The following RBFOX1 variants were observed in gnomAD, a reference collection of about 807,000 sequenced individuals.
RBFOX1 encodes RNA binding protein fox-1 homolog 1.
Under a neutral mutation model 57.7 loss-of-function variants are expected in RBFOX1, and 8 were observed. The ratio of observed to expected loss-of-function variants is 0.14; its 90% CI spans 0.08 to 0.25. The LOEUF (loss-of-function observed/expected upper bound fraction) is 0.25, where lower values mean the gene tolerates loss of function less well. Among genes scored for constraint, RBFOX1 ranks in the 10% least tolerant of loss-of-function variants. RBFOX1 has a pLI of 1.00. For synonymous variants in RBFOX1, 326 were observed against 222.4 expected (o/e 1.47, Z -4.15); for missense variants, 611 against 548.5 (o/e 1.11, Z -1.14).
chr16:7,263,248 C>T (rs1255341466), intron 4 of RBFOX1, among the ~76,000 whole-genome samples: 1 of 152,180 alleles, frequency 6.6e-6, no homozygotes, highest in Non-Finnish European at 1.5e-5. Context: ...AGGTACTAGG[C>T]ACACATCCTT....
chr16:6,744,687 T>C (rs2073146928), intron 3 of RBFOX1, among the ~76,000 whole-genome samples: 1 of 152,092 alleles, frequency 6.6e-6, no homozygotes, highest in African/African-American at 2.4e-5. Flanking sequence ...CGTAGTGTTA[T>C]TAAACAATGC....
At chr16:7,473,209 T>C (rs946842300) in intron 4 of RBFOX1, among the ~76,000 whole-genome samples, 1 of 151,844 alleles carries the variant, frequency 6.6e-6, no homozygotes. Flanking sequence ...AAAACGCCAT[T>C]TCTACTAAAA....
At chr16:7,512,503 C>T (rs899685907) in intron 4 of RBFOX1, among the ~76,000 whole-genome samples, 1 of 152,178 alleles carries the variant, frequency 6.6e-6, no homozygotes, top group Admixed American at 6.5e-5. Context: ...TCTGGAACGG[C>T]TGTCAGTGTT....
chr16:7,338,318 A>G (rs762309025), intron 4 of RBFOX1, among the ~76,000 whole-genome samples: 3 of 152,002 alleles, frequency 2.0e-5, no homozygotes, highest in Non-Finnish European at 4.4e-5. Context: ...CTATAGCTAG[A>G]CAGTGGCAGA....
At chr16:5,927,616 A>G (rs567017634) in intron 4 of RBFOX1, among the ~76,000 whole-genome samples, 35 of 152,252 alleles carry the variant, frequency 2.3e-4, no homozygotes, top group Non-Finnish European at 3.8e-4. Context: ...AAAGGGAATG[A>G]AATCTGTATA....
chr16:5,994,318 T>C (rs1159475073), intron 4 of RBFOX1, among the ~76,000 whole-genome samples: 1 of 152,188 alleles, frequency 6.6e-6, no homozygotes, highest in African/African-American at 2.4e-5. Flanking sequence ...TGTGCCAACA[T>C]GCCTGGCTAA....
At chr16:6,893,429 T>A (rs1256883408) in intron 3 of RBFOX1, among the ~76,000 whole-genome samples, 2 of 152,162 alleles carry the variant, frequency 1.3e-5, no homozygotes, top group Non-Finnish European at 2.9e-5. Context: ...ACTACCTCAT[T>A]CATCAAAAGA....
Position 6,988,568 on chromosome 16 carries a change from AT to A in RBFOX1, c.-15-63485del, listed in dbSNP as rs199503323. Among the ~76,000 whole-genome samples the A allele has an allele frequency of 2.2e-3, 334 of 150,196 alleles. 6 individuals carry two copies. In the East Asian group the frequency reaches 0.049, roughly 22 times the overall value. On this transcript the variant is annotated intron_variant, in intron 3 of 15. Transcript: ENST00000550418. ...TTTTATTTTAATTTAACTTTATTTA[AT>A]TTTATTTTATTTTATTTATTTGGGA...
intron 5 of RBFOX1, among the ~76,000 whole-genome samples, chr16:7,547,442 A>G (rs920787815): frequency 1.3e-5 from 2 of 152,234 alleles, no homozygotes; most frequent in Non-Finnish European, 2.9e-5. Context: ...AGAAGAAAAG[A>G]CAAGAGAAGG....
chr16:7,189,159 C>G (rs1225372312), intron 4 of RBFOX1, among the ~76,000 whole-genome samples: 1 of 152,006 alleles, frequency 6.6e-6, no homozygotes, highest in Admixed American at 6.6e-5. Flanking sequence ...GGCACGGTGG[C>G]TCATGCCTGT....
chr16:7,694,345 G>T (rs1241318552), intron 14 of RBFOX1, among the ~76,000 whole-genome samples: 2 of 152,142 alleles, frequency 1.3e-5, no homozygotes. Context: ...AGGCTTATGT[G>T]CCAATGTTTC....
At chr16:7,018,761 C>G (rs2094045502) in intron 3 of RBFOX1, among the ~76,000 whole-genome samples, 1 of 149,240 alleles carries the variant, frequency 6.7e-6, no homozygotes, top group African/African-American at 2.5e-5. Flanking sequence ...GCACGTTGTG[C>G]ACATGTACCC....
At chr16:7,389,392 C>A (rs1014282723) in intron 4 of RBFOX1, among the ~76,000 whole-genome samples, 52 of 152,182 alleles carry the variant, frequency 3.4e-4, no homozygotes, top group Admixed American at 3.4e-3. Context: ...TCCCAAAGCA[C>A]TTGGATTACA....
intron 1 of RBFOX1, among the ~76,000 whole-genome samples, chr16:6,094,356 C>T (rs1369924718): frequency 6.6e-6 from 1 of 152,132 alleles, no homozygotes; most frequent in Non-Finnish European, 1.5e-5. Flanking sequence ...CCCCAGGTGG[C>T]ACTTCTCAGC....
Position 6,842,967 on chromosome 16 carries a change from C to T in RBFOX1, c.-16+188317C>T, listed in dbSNP as rs1307081634. ...TTAGTTTGCTGAGAACGATGGTTTC[C>T]AGGTTCATCCATGTCCTTGCAAAGG... is the stretch of plus-strand genomic sequence containing the variant. On this transcript the variant is annotated intron_variant, in intron 3 of 15. Coordinates refer to ENST00000550418, the MANE Select transcript of RBFOX1 (RefSeq NM_018723.4). 2.6e-5 allele frequency among the ~76,000 whole-genome samples: 4 copies of T among 152,034 alleles called. No individual in the cohort carries two copies. In the East Asian group the frequency reaches 5.8e-4, roughly 22 times the overall value.
chr16:7,193,511 T>C (rs1376949292), intron 4 of RBFOX1, among the ~76,000 whole-genome samples: 1 of 152,240 alleles, frequency 6.6e-6, no homozygotes, highest in African/African-American at 2.4e-5. Context: ...TACAGGCAAG[T>C]AATCAATATA....
Position 7,112,943 on chromosome 16 carries a change from C to G in RBFOX1, c.27+60845C>G, listed in dbSNP as rs992344793. 1.2e-4 allele frequency among the ~76,000 whole-genome samples: 18 copies of G among 152,296 alleles called. No individual in the cohort carries two copies. In the East Asian group the frequency reaches 3.1e-3, roughly 26 times the overall value. On this transcript the variant is annotated intron_variant, in intron 4 of 15. Coordinates refer to ENST00000550418, the MANE Select transcript of RBFOX1 (RefSeq NM_018723.4). ...GAAAGAATGAAATCAGAAAGCATAT[C>G]TGCAAGTGCTGGCACCCTCTGTAAG...
At chr16:6,495,436 C>A (rs965516649) in intron 2 of RBFOX1, among the ~76,000 whole-genome samples, 6 of 151,306 alleles carry the variant, frequency 4.0e-5, no homozygotes, top group Non-Finnish European at 8.8e-5. Context: ...TGGCAGACAG[C>A]CATCTATAAG....
chr16:7,273,559 G>T lies in RBFOX1; in HGVS notation c.27+221461G>T, dbSNP rs567590534. 2.0e-3 allele frequency among the ~76,000 whole-genome samples: 297 copies of T among 152,202 alleles called. 3 individuals are homozygous for T. Among genetic ancestry groups the T allele is most frequent in the Non-Finnish European group, 3.2e-3 (218 of 68,006 alleles). On this transcript the variant is annotated intron_variant, in intron 4 of 15. Coordinates refer to ENST00000550418, the MANE Select transcript of RBFOX1 (RefSeq NM_018723.4). ...ATAGACCAAGTGGGTTAACCTCTTT[G>T]TGCCTTCATTTTTTCAATGGAAAAG...
Sources: allele counts gnomAD v4.1 joint callset (sites outside exome capture counted in the v4.1 genomes callset), GRCh38; gene constraint gnomAD v4.1.1; transcripts MANE v1.5; gene names NCBI Gene and HGNC (gene_info 2026-07-23, HGNC 2026-07-21).